Variants in HSD17B2 observed in about 807,000 individuals in gnomAD.
The protein encoded by HSD17B2 is hydroxysteroid 17-beta dehydrogenase 2.
Under a neutral mutation model 26.9 loss-of-function variants are expected in HSD17B2, and 32 were observed. That is an observed-to-expected ratio of 1.19 (90% CI 0.90 to 1.60). HSD17B2 has a LOEUF of 1.60. Ranked by LOEUF, HSD17B2 falls within the 40% of genes most tolerant of loss-of-function variation. The pLI is 0.00. For missense variants in HSD17B2, 613 were observed against 468.6 expected (o/e 1.31, Z -2.85); for synonymous variants, 246 against 186.7 (o/e 1.32, Z -2.59).
intron 1 of HSD17B2, among the ~76,000 whole-genome samples, chr16:82,037,384 C>T (rs780547146): frequency 5.1e-4 from 78 of 152,210 alleles, no homozygotes; most frequent in Non-Finnish European, 5.6e-4. Context: ...TTTGTTAGAC[C>T]ACAACTCTTT....
chr16:82,037,904 T>C (rs1423131227), intron 1 of HSD17B2, among the ~76,000 whole-genome samples: 1 of 152,212 alleles, frequency 6.6e-6, no homozygotes, highest in Non-Finnish European at 1.5e-5. Flanking sequence ...TATGGTTGGA[T>C]TAGTGTGCTG....
intron 4 of HSD17B2, chr16:82,096,856 C>G (rs142113632): frequency 6.6e-6 from 1 of 152,192 alleles, no homozygotes; most frequent in African/African-American, 2.4e-5. Context: ...AATAAAGAAG[C>G]TGATGCTAAA....
chr16:82,080,210 AG>A (rs1462723435), intron 3 of HSD17B2, among the ~76,000 whole-genome samples: 1 of 152,242 alleles, frequency 6.6e-6, no homozygotes, highest in African/African-American at 2.4e-5. Context: ...TCTGGGAGGC[AG>A]AATAATGGGT....
chr16:82,090,299 A>ATTGT (rs1904647227), intron 3 of HSD17B2: 1 of 63,378 alleles, frequency 1.6e-5, no homozygotes, highest in Non-Finnish European at 2.6e-5. Flanking sequence ...CCTAAACTAC[A>ATTGT]TTGTTTTTTT....
intron 3 of HSD17B2, among the ~76,000 whole-genome samples, chr16:82,088,799 C>T (rs1904601714): frequency 1.3e-5 from 2 of 152,142 alleles, no homozygotes; most frequent in South Asian, 2.1e-4. Flanking sequence ...TGCCAGACAT[C>T]GTGTTAAAAT....
intron 4 of HSD17B2, chr16:82,093,839 G>A (rs573059812): frequency 1.3e-5 from 2 of 152,294 alleles, no homozygotes; most frequent in South Asian, 2.1e-4. Flanking sequence ...GACAAGGAGT[G>A]GATTATTCAT....
intron 1 of HSD17B2, among the ~76,000 whole-genome samples, chr16:82,045,135 A>G (rs928403468): frequency 2.6e-5 from 4 of 151,470 alleles, no homozygotes; most frequent in Admixed American, 2.6e-4. Context: ...AAAAAAAAAA[A>G]AAAAAAAAGA....
At position 82,068,323 on chromosome 16, in the gene HSD17B2, C is replaced by T. The variant is rs766963607; in HGVS notation, c.419C>T (p.Thr140Met). The T allele has an allele frequency of 1.1e-5, 17 of 1,613,902 alleles. No individual in the cohort carries two copies. Among genetic ancestry groups the T allele is most frequent in the South Asian group, 5.5e-5 (5 of 91,058 alleles). The change falls in exon 2 of 5, where the codon ACG (threonine) becomes ATG (methionine). Residue 140 changes from threonine (T) to methionine (M), a missense_variant. By Grantham distance (81) the Thr-to-Met change is moderately conservative (BLOSUM62 -1). Coordinates refer to ENST00000199936, the MANE Select transcript of HSD17B2 (RefSeq NM_002153.3). ...PRLSVLQMDI[T>M]KPVQIKDAYS... is the part of the protein sequence containing the mutation. ...CTCTCGGTGCTCCAAATGGACATCA[C>T]GAAGCCAGTGCAGATAAAAGATGCT...
chr16:82,067,766 G>C (rs1914606415), intron 1 of HSD17B2, among the ~76,000 whole-genome samples: 1 of 152,180 alleles, frequency 6.6e-6, no homozygotes, highest in Non-Finnish European at 1.5e-5. Context: ...AGTTTGTAAT[G>C]AATGTTTGAC....
rs780268616 is a variant in HSD17B2 at position 82,035,470 on chromosome 16, C to G, written c.46C>G (p.Pro16Ala). ...CACAGCATGGATCTGCCTGGCTGTC[C>G]CCACAGTACTATGTGGGACAGTATT... Reference protein sequence around the residue: ...SDTAWICLAVPTVLCGTVFCK... With the variant: ...SDTAWICLAVATVLCGTVFCK... The change falls in exon 1 of 5, where the codon CCC becomes GCC. Residue 16 changes from proline (P) to alanine (A), a missense_variant. Coordinates refer to ENST00000199936, the MANE Select transcript of HSD17B2 (RefSeq NM_002153.3). 1.2e-5 allele frequency: 20 copies of G among 1,613,736 alleles called. No homozygotes were observed. In the South Asian group the frequency reaches 2.1e-4, roughly 17 times the overall value.
chr16:82,097,917 GAC>G, intron 4 of HSD17B2, 156 bp from the exon 5 acceptor site: 1 of 607,916 alleles, frequency 1.6e-6, no homozygotes, highest in Middle Eastern at 4.7e-4. Context: ...AAGCCTGAGA[GAC>G]AGAGAAAGAC....
chr16:82,039,001 A>G (rs182397246), intron 1 of HSD17B2, among the ~76,000 whole-genome samples: 104 of 152,120 alleles, frequency 6.8e-4, no homozygotes, highest in African/African-American at 2.3e-3. Flanking sequence ...AATTCCATGC[A>G]CTTCTGGCAC....
At position 82,081,174 on chromosome 16, in the gene HSD17B2, G is replaced by A. The variant is rs76127617; in HGVS notation, c.665-9728G>A. Among the ~76,000 whole-genome samples the A allele has an allele frequency of 3.5e-4, 54 of 152,272 alleles. 1 individual carries two copies. In the East Asian group the frequency reaches 0.01, roughly 29 times the overall value. Reference sequence around the variant, plus strand: ...ATCTGCCCTCCTTGGAAGGCAAGAGGTGTGCAGAATAGAAGAAAAAATTAT... The same window carrying A: ...ATCTGCCCTCCTTGGAAGGCAAGAGATGTGCAGAATAGAAGAAAAAATTAT... On this transcript the variant is annotated intron_variant, in intron 3 of 4. Transcript: ENST00000199936.
chr16:82,059,930 G>C (rs1914385743), intron 1 of HSD17B2, among the ~76,000 whole-genome samples: 2 of 152,058 alleles, frequency 1.3e-5, no homozygotes, highest in Non-Finnish European at 2.9e-5. Context: ...AAAAAAAATT[G>C]ACATGAAAAA....
intron 3 of HSD17B2, among the ~76,000 whole-genome samples, chr16:82,083,457 C>G (rs539589901): frequency 2.6e-5 from 4 of 152,290 alleles, no homozygotes; most frequent in African/African-American, 9.6e-5. Flanking sequence ...TTCTGAACCT[C>G]TGAGTTGCAG....
intron 3 of HSD17B2, among the ~76,000 whole-genome samples, chr16:82,080,662 C>T (rs1041002519): frequency 3.9e-5 from 6 of 152,166 alleles, no homozygotes; most frequent in Non-Finnish European, 7.3e-5. Flanking sequence ...TGACTTTAAA[C>T]GAGCTCCAAT....
In HSD17B2 at chr16:82,090,268, C is replaced by G. The variant is rs559880761; in HGVS notation, c.665-634C>G. 5.9e-5 allele frequency: 23 copies of G among 387,018 alleles called. No homozygotes were observed. In the African/African-American group the frequency reaches 6.1e-4, roughly 10 times the overall value. The allele number at this position is 387,018 out of a possible 1,614,324, so 24.0% of individuals were successfully genotyped here. A position where few individuals can be genotyped will look rare whatever the true frequency, so the allele number is the denominator to read the frequency against. On this transcript the variant is annotated intron_variant, in intron 3 of 4. Coordinates refer to ENST00000199936, the MANE Select transcript of HSD17B2 (RefSeq NM_002153.3). ...TCAGGCTAGAAGATCAGGGCCTGGT[C>G]GGTAGGTGCTCTTCATCTTACCTAA...
intron 3 of HSD17B2, among the ~76,000 whole-genome samples, chr16:82,080,088 C>T (rs1223762102): frequency 6.6e-6 from 1 of 152,182 alleles, no homozygotes; most frequent in African/African-American, 2.4e-5. Context: ...TGGAACTTTG[C>T]ACCAGCCAGG....
intron 1 of HSD17B2, chr16:82,044,329 AG>A (rs1241505424): frequency 6.6e-6 from 1 of 152,230 alleles, no homozygotes; most frequent in Non-Finnish European, 1.5e-5. Context: ...GAAATGAGAC[AG>A]GGGGCTTAAG....
Sources: gnomAD v4.1 joint callset for allele counts (sites outside exome capture counted in the v4.1 genomes callset) on GRCh38, gnomAD v4.1.1 for gene constraint, MANE v1.5 for transcripts, NCBI Gene and HGNC (gene_info 2026-07-23, HGNC 2026-07-21) for gene names.